Variants in FUS observed in about 807,000 individuals in gnomAD.
FUS encodes RNA-binding protein FUS.
In FUS, 5 loss-of-function variants were observed where a neutral mutation model predicts 82.7. The ratio of observed to expected loss-of-function variants is 0.06; its 90% CI spans 0.03 to 0.13. FUS has a LOEUF of 0.13. Ranked by LOEUF, FUS falls within the 10% of genes least tolerant of loss-of-function variation. The pLI is 1.00. For missense variants in FUS, 512 were observed against 707.8 expected (o/e 0.72, Z 3.14); for synonymous variants, 281 against 247.4 (o/e 1.14, Z -1.27).
downstream of FUS, chr16:31,194,797 G>A (rs1596921947): frequency 4.2e-6 from 2 of 480,378 alleles, no homozygotes; most frequent in African/African-American, 2.0e-5. Flanking sequence ...TTATGCTGGA[G>A]GTTGCAAATG....
At chr16:31,180,128 G>T (rs1194514170), upstream of FUS, 6 of 1,558,858 alleles carry the variant, frequency 3.8e-6, no homozygotes, top group South Asian at 3.5e-5. Context: ...TTCGACGCAG[G>T]AGGCGGGGCT....
At position 31,180,168 on chromosome 16, in the gene FUS, G is replaced by T. The variant is rs72550864; in HGVS notation, c.-47G>T. 14 of 1,604,018 alleles carry T rather than the reference G, an allele frequency of 8.7e-6. No individual in the cohort carries two copies. The highest frequency in any genetic ancestry group is 1.7e-5 in the Admixed American group (1 of 58,346). On this transcript the variant is annotated 5_prime_UTR_variant, in exon 1 of 15. Transcript: ENST00000254108. ...AGTCCTCCAGGCGTCGGTACTCAGC[G>T]GTGTTGGAACTTCGTTGCTTGCTTG...
chr16:31,193,175 C>CA (rs1253492109), downstream of FUS: 1 of 489,280 alleles, frequency 2.0e-6, no homozygotes, highest in Non-Finnish European at 4.0e-6. Flanking sequence ...CTCCCGACCT[C>CA]AGGTGATGTG....
downstream of FUS, chr16:31,191,788 A>G (rs373271107): frequency 1.7e-6 from 1 of 587,350 alleles, no homozygotes; most frequent in Admixed American, 2.1e-5. Flanking sequence ...AAGTTGGTGT[A>G]TAAATGAGAA....
At chr16:31,188,741 C>T (rs1314979157) in intron 8 of FUS, 52 of 463,516 alleles carry the variant, frequency 1.1e-4, no homozygotes, top group South Asian at 7.6e-5. Context: ...GCATTGAACT[C>T]CTGTTTAGGT....
At chr16:31,191,273 T>G (rs1276241663) in intron 14 of FUS, 126 bp from the exon 15 acceptor site, 21 of 1,478,360 alleles carry the variant, frequency 1.4e-5, no homozygotes, top group Non-Finnish European at 2.0e-5. Context: ...GGGGAGTGAA[T>G]CTGTAGACCC....
Position 31,185,075 on chromosome 16 carries a change from C to T in FUS, c.660C>T (p.Gly220=). 3 of 1,609,940 alleles carry T rather than the reference C, an allele frequency of 1.9e-6. No individual in the cohort carries two copies. Among genetic ancestry groups the T allele is most frequent in the Non-Finnish European group, 2.5e-6 (3 of 1,178,134 alleles). The change falls in exon 6 of 15, where the codon GGC becomes GGT. Residue 220 remains glycine, a synonymous_variant. Coordinates refer to ENST00000254108, the MANE Select transcript of FUS (RefSeq NM_004960.4). Reference sequence around the variant, plus strand: ...ACCGTGGAGGCCGCGGCAGGGGTGGCAGTGGTGGCGGCGGCGGCGGCGGCG... The same window carrying T: ...ACCGTGGAGGCCGCGGCAGGGGTGGTAGTGGTGGCGGCGGCGGCGGCGGCG... ...QQDRGGRGRG[G]SGGGGGGGGG...
intron 5 of FUS, 42 bp downstream of exon 5, chr16:31,184,438 C>CTTTTTT (rs370126678): frequency 6.4e-5 from 77 of 1,212,368 alleles, no homozygotes; most frequent in Middle Eastern, 5.3e-4. Context: ...TTTTCTTTTT[C>CTTTTTT]TTTTTTTTTT....
downstream of FUS, chr16:31,192,593 C>T (rs2079376404): frequency 2.0e-6 from 1 of 491,170 alleles, no homozygotes; most frequent in South Asian, 1.5e-5. Context: ...CAGAGTCTTG[C>T]TCTGTCATCC....
chr16:31,181,102 G>A (rs1474563082), intron 1 of FUS, among the ~76,000 whole-genome samples: 1 of 152,088 alleles, frequency 6.6e-6, no homozygotes, highest in Non-Finnish European at 1.5e-5. Flanking sequence ...CTTAGTAGGG[G>A]CGGGGTTTCA....
At chr16:31,184,903 G>T (rs564246691) in intron 5 of FUS, 36 bp from the exon 6 acceptor site, 157 of 1,266,266 alleles carry the variant, frequency 1.2e-4, no homozygotes, top group African/African-American at 6.0e-4. Context: ...CAATCTTTTT[G>T]TTTTTTTTTT....
At chr16:31,187,117 A>G in intron 7 of FUS, 1 of 527,688 alleles carries the variant, frequency 1.9e-6, no homozygotes, top group Non-Finnish European at 3.4e-6. Flanking sequence ...CACACCTGGC[A>G]CTTAGTGACC....
In FUS at chr16:31,185,053, G is replaced by A; in HGVS notation, c.638G>A (p.Arg213His). 7 of 1,612,072 alleles carry A rather than the reference G, an allele frequency of 4.3e-6. No individual in the cohort carries two copies. Among genetic ancestry groups the A allele is most frequent in the South Asian group, 1.1e-5 (1 of 90,990 alleles). ...AGCGGTGGCTATGGACAGCAGGACCGTGGAGGCCGCGGCAGGGGTGGCAGT... is the reference window on the plus strand; with the variant it reads ...AGCGGTGGCTATGGACAGCAGGACCATGGAGGCCGCGGCAGGGGTGGCAGT... The part of the protein sequence containing the change: ...GGSGGYGQQD[R>H]GGRGRGGSGG... The change falls in exon 6 of 15, where the codon CGT becomes CAT. Residue 213 changes from arginine (R) to histidine (H), a missense_variant. Transcript: ENST00000254108.
chr16:31,185,078 T>G lies in FUS; in HGVS notation c.663T>G (p.Ser221Arg). Residue 221 changes from serine to arginine, a missense_variant, in exon 6 of 15, where the codon AGT (serine) becomes AGG (arginine). By Grantham distance (110) the Ser-to-Arg change is moderately radical. Around this residue, in one of 6 missense-constraint regions of FUS, gnomAD observed 276 missense variants for 303.3 expected, o/e 0.91. Coordinates refer to ENST00000254108, the MANE Select transcript of FUS (RefSeq NM_004960.4). ...QDRGGRGRGG[S>R]GGGGGGGGGG... ...GTGGAGGCCGCGGCAGGGGTGGCAGTGGTGGCGGCGGCGGCGGCGGCGGTG... is the reference window on the plus strand; with the variant it reads ...GTGGAGGCCGCGGCAGGGGTGGCAGGGGTGGCGGCGGCGGCGGCGGCGGTG... The G allele has an allele frequency of 6.2e-7, 1 of 1,608,792 alleles. No homozygotes were observed. Among genetic ancestry groups the G allele is most frequent in the East Asian group, 2.2e-5 (1 of 44,732 alleles).
At chr16:31,187,027 A>G in intron 7 of FUS, 191 bp downstream of exon 7, 3 of 650,806 alleles carry the variant, frequency 4.6e-6, no homozygotes, top group South Asian at 1.7e-5. Flanking sequence ...TAGGGGTAAG[A>G]CTCAATAGTC....
Position 31,180,338 on chromosome 16 carries a change from G to T in FUS, c.13+111G>T, listed in dbSNP as rs551490612. On this transcript the variant is annotated intron_variant, in intron 1 of 14. Coordinates refer to ENST00000254108, the MANE Select transcript of FUS (RefSeq NM_004960.4). ...GCGATCCCGTGTGGGATTTTTTGGC[G>T]CCCCTGTGGCGGGAAGCCGCGGAGA... 12 of 1,403,448 alleles carry T rather than the reference G, an allele frequency of 8.6e-6. No homozygotes were observed. In the African/African-American group the frequency reaches 1.0e-4, roughly 12 times the overall value. The allele number at this position is 1,403,448 out of a possible 1,614,324, so 86.9% of individuals were successfully genotyped here. A position where few individuals can be genotyped will look rare whatever the true frequency, so the allele number is the denominator to read the frequency against.
At chr16:31,189,297 CAAGTCTTTA>C (rs1475253819) in intron 9 of FUS, 71 bp downstream of exon 9, 1 of 1,157,574 alleles carries the variant, frequency 8.6e-7, no homozygotes, top group Non-Finnish European at 1.3e-6. Context: ...TTAGTAAAAG[CAAGTCTTTA>C]ATGGTTGCCA....
At chr16:31,190,018 T>C in intron 10 of FUS, 22 bp from the exon 11 acceptor site, 1 of 1,598,718 alleles carries the variant, frequency 6.3e-7, no homozygotes, top group Non-Finnish European at 8.5e-7. Flanking sequence ...TAAAGTCTGT[T>C]GATGATTTTT....
chr16:31,188,591 C>G, intron 8 of FUS: 2 of 594,382 alleles, frequency 3.4e-6, no homozygotes, highest in Non-Finnish European at 3.0e-6. Flanking sequence ...CCCTGAAAAT[C>G]TACCTTTCTA....
Sources: allele counts gnomAD v4.1 joint callset (sites outside exome capture counted in the v4.1 genomes callset), GRCh38; gene constraint gnomAD v4.1.1; regional missense constraint gnomAD v4.1.1; transcripts MANE v1.5; gene names NCBI Gene and HGNC (gene_info 2026-07-23, HGNC 2026-07-21).